Variants in MAP3K14 observed in about 807,000 individuals in gnomAD.
The protein encoded by MAP3K14 is mitogen-activated protein kinase kinase kinase 14.
A neutral mutation model predicts 99.2 loss-of-function variants in MAP3K14; 16 were observed. That is an observed-to-expected ratio of 0.16 (90% CI 0.11 to 0.24). MAP3K14 has a LOEUF of 0.24. Ranked by LOEUF, MAP3K14 falls within the 10% of genes least tolerant of loss-of-function variation. The pLI is 1.00. For synonymous variants in MAP3K14, 462 were observed against 492.4 expected (o/e 0.94, Z 0.82); for missense variants, 784 against 1,208.7 (o/e 0.65, Z 5.21).
intron 1 of MAP3K14, among the ~76,000 whole-genome samples, chr17:45,291,430 T>C (rs1173140800): frequency 6.6e-6 from 1 of 152,226 alleles, no homozygotes; most frequent in African/African-American, 2.4e-5. Flanking sequence ...CCTCCTCTAA[T>C]GTCCAAACTC....
At chr17:45,297,933 G>A (rs1172810737) in intron 1 of MAP3K14, among the ~76,000 whole-genome samples, 1 of 151,960 alleles carries the variant, frequency 6.6e-6, no homozygotes, top group African/African-American at 2.4e-5. Context: ...TGGCCAGGCT[G>A]GTCTCGAACT....
chr17:45,308,099 G>A (rs964656532), intron 1 of MAP3K14, among the ~76,000 whole-genome samples: 3 of 152,224 alleles, frequency 2.0e-5, no homozygotes, highest in African/African-American at 7.2e-5. Context: ...GATCTCACAC[G>A]ATTCTTTGGT....
chr17:45,274,118 C>CT lies in MAP3K14; in HGVS notation c.1552+4dup. Reference sequence around the variant, plus strand: ...GGGATCAGGGCCGTGGGGCCTGGGCCTTACCTTTGACGTCCCCATGCAGAA... The same window carrying CT: ...GGGATCAGGGCCGTGGGGCCTGGGCCTTTACCTTTGACGTCCCCATGCAGAA... On this transcript the variant is annotated splice_donor_region_variant and intron_variant, in intron 8 of 15. Transcript: ENST00000344686. The CT allele has an allele frequency of 6.2e-7, 1 of 1,609,856 alleles. No homozygotes were observed. The highest frequency in any genetic ancestry group is 8.5e-7 in the Non-Finnish European group (1 of 1,177,964).
At chr17:45,307,248 A>C (rs1285997357) in intron 1 of MAP3K14, among the ~76,000 whole-genome samples, 1 of 151,794 alleles carries the variant, frequency 6.6e-6, no homozygotes, top group Non-Finnish European at 1.5e-5. Flanking sequence ...ACAGAGTGAG[A>C]CTCTGTCTCA....
Position 45,267,372 on chromosome 17 carries a change from C to G in MAP3K14, c.2326+34G>C. The G allele has an allele frequency of 6.4e-7, 1 of 1,550,474 alleles. No homozygotes were observed. ...CTCCGCGGGTGGCCCAGGGCCAGTG[C>G]TCAGGGCCCCACTGCAGCCACGGCT... On this transcript the variant is annotated intron_variant, in intron 12 of 15. Transcript: ENST00000344686. This position sits in a 1 kb window ranked among gnomAD's most constrained non-coding sequence, Gnocchi z 5.1.
chr17:45,277,948 C>G (rs2044192374), intron 6 of MAP3K14, among the ~76,000 whole-genome samples: 1 of 152,168 alleles, frequency 6.6e-6, no homozygotes, highest in Admixed American at 6.5e-5. Flanking sequence ...GGCATACATC[C>G]CGTTAATAAT....
At chr17:45,299,495 T>C (rs1371791501) in intron 1 of MAP3K14, among the ~76,000 whole-genome samples, 1 of 152,160 alleles carries the variant, frequency 6.6e-6, no homozygotes, top group African/African-American at 2.4e-5. Flanking sequence ...CTGAAAGGCT[T>C]GCTTCACTCT....
chr17:45,274,418 A>C lies in MAP3K14; in HGVS notation c.1420+46T>G, dbSNP rs748636396. 5.0e-6 allele frequency: 8 copies of C among 1,609,382 alleles called. No homozygotes were observed. In the East Asian group the frequency reaches 1.3e-4, roughly 27 times the overall value. On this transcript the variant is annotated intron_variant, in intron 7 of 15. Transcript: ENST00000344686. ...CAACTTGGGCAAGACTCAGGGGGGA[A>C]CTCTTGGCCCTGAATTTGGAGAAAG...
At chr17:45,270,661 C>T (rs1009348337) in intron 10 of MAP3K14, 98 bp from the exon 11 acceptor site, 57 of 1,412,184 alleles carry the variant, frequency 4.0e-5, no homozygotes, top group Middle Eastern at 2.5e-4. Flanking sequence ...CCCCTGTTCC[C>T]GCTGTGCTGG....
intron 1 of MAP3K14, among the ~76,000 whole-genome samples, chr17:45,291,213 G>A (rs1019281569): frequency 1.3e-5 from 2 of 152,164 alleles, no homozygotes; most frequent in Non-Finnish European, 2.9e-5. Context: ...GAGAGGACCT[G>A]TTGGCACACA....
At chr17:45,290,915 C>G in intron 1 of MAP3K14, 150 bp from the exon 2 acceptor site, 5 of 685,434 alleles carry the variant, frequency 7.3e-6, no homozygotes, top group Non-Finnish European at 1.2e-5. Flanking sequence ...TCCAAACATC[C>G]TCAATGGTAA....
Position 45,267,498 on chromosome 17 carries a change from A to G in MAP3K14, c.2234T>C (p.Leu745Pro), listed in dbSNP as rs765212451. The G allele has an allele frequency of 1.2e-6, 2 of 1,612,670 alleles. No homozygotes were observed. The highest frequency in any genetic ancestry group is 2.7e-5 in the African/African-American group (2 of 74,916). The change falls in exon 12 of 16, where the codon CTG becomes CCG. Residue 745 changes from leucine (L) to proline (P), a missense_variant. Physicochemically the swap from Leu to Pro is moderately conservative, Grantham distance 98 (BLOSUM62 -3). Coordinates refer to ENST00000344686, the MANE Select transcript of MAP3K14 (RefSeq NM_003954.5). This position sits in a 1 kb window ranked among gnomAD's most constrained non-coding sequence, Gnocchi z 5.1. Reference protein sequence around the residue: ...EESGMWEPLPLSSLEPAPARN... With the variant: ...EESGMWEPLPPSSLEPAPARN... ...GGCAGGGGCTGGCTCCAGGGAGGACAGAGGTAAGGGTTCCCACATCCCAGA... is the reference window on the plus strand; with the variant it reads ...GGCAGGGGCTGGCTCCAGGGAGGACGGAGGTAAGGGTTCCCACATCCCAGA...
chr17:45,265,199 G>C lies in MAP3K14; in HGVS notation c.2643C>G (p.Val881=). Residue 881 remains valine, a synonymous_variant, in exon 15 of 16, where the codon GTC becomes GTG. Coordinates refer to ENST00000344686, the MANE Select transcript of MAP3K14 (RefSeq NM_003954.5). ...EHLHIREFHR[V]KVGDIATGIS... ...TGCCAGTGGCGATGTCTCCCACTTT[G>C]ACCCGGTGGAACTCCCGGATGTGCA... is the stretch of plus-strand genomic sequence containing the variant. The C allele has an allele frequency of 6.2e-7, 1 of 1,613,908 alleles. No individual in the cohort carries two copies. Among genetic ancestry groups the C allele is most frequent in the South Asian group, 1.1e-5 (1 of 91,072 alleles).
intron 1 of MAP3K14, among the ~76,000 whole-genome samples, chr17:45,301,394 C>T (rs993285626): frequency 1.8e-4 from 27 of 151,524 alleles, no homozygotes; most frequent in African/African-American, 5.8e-4. Flanking sequence ...ACCTGGGAGG[C>T]GGAGGTTGCA....
intron 6 of MAP3K14, among the ~76,000 whole-genome samples, chr17:45,283,152 G>A (rs1462674842): frequency 6.6e-6 from 1 of 152,224 alleles, no homozygotes; most frequent in Non-Finnish European, 1.5e-5. Flanking sequence ...CTCAGCAGGG[G>A]AACAGCTGAG....
intron 1 of MAP3K14, among the ~76,000 whole-genome samples, chr17:45,300,835 T>C (rs534028650): frequency 7.1e-6 from 1 of 141,734 alleles, no homozygotes; most frequent in East Asian, 2.5e-4. Context: ...GCAATCTAAG[T>C]AGGGAACAAA....
At chr17:45,268,525 C>T (rs1272099701) in intron 11 of MAP3K14, 1 of 152,090 alleles carries the variant, frequency 6.6e-6, no homozygotes, top group Non-Finnish European at 1.5e-5. Flanking sequence ...GTGGCTGGGA[C>T]TACAGATGTG....
At chr17:45,305,407 T>C (rs2044423506) in intron 1 of MAP3K14, among the ~76,000 whole-genome samples, 1 of 149,780 alleles carries the variant, frequency 6.7e-6, no homozygotes, top group Non-Finnish European at 1.5e-5. Flanking sequence ...TTTTTTTTTT[T>C]TTTTTTGTGA....
chr17:45,308,148 G>A lies in MAP3K14; in HGVS notation c.-21+8812C>T, dbSNP rs141173639. On this transcript the variant is annotated intron_variant, in intron 1 of 15. Coordinates refer to ENST00000344686, the MANE Select transcript of MAP3K14 (RefSeq NM_003954.5). Reference sequence around the variant, plus strand: ...TCATGAAACAGCCCACGGCTCTCTCGTCCTCCCCGAGGCCAGCAGGGCTTA... The same window carrying A: ...TCATGAAACAGCCCACGGCTCTCTCATCCTCCCCGAGGCCAGCAGGGCTTA... 3.7e-3 allele frequency among the ~76,000 whole-genome samples: 570 copies of A among 152,336 alleles called. 6 individuals carry two copies. Among genetic ancestry groups the A allele is most frequent in the African/African-American group, 0.013 (539 of 41,574 alleles).
Sources: gnomAD v4.1 joint callset for allele counts (sites outside exome capture counted in the v4.1 genomes callset) on GRCh38, gnomAD v4.1.1 for gene constraint, Gnocchi (gnomAD v3.1) non-coding constraint, MANE v1.5 for transcripts, NCBI Gene and HGNC (gene_info 2026-07-23, HGNC 2026-07-21) for gene names.